The following GSTCD variants were observed in gnomAD, a reference collection of about 807,000 sequenced individuals.
GSTCD encodes the protein glutathione S-transferase C-terminal domain containing.
GSTCD carries 44 observed loss-of-function variants against 68.3 expected under a neutral mutation model. That is an observed-to-expected ratio of 0.64 (90% CI 0.51 to 0.83). The LOEUF is 0.83. Ranked by LOEUF, GSTCD falls within the 40% of genes least tolerant of loss-of-function variation. GSTCD has a pLI of 0.00. For missense variants in GSTCD, 739 were observed against 735.9 expected (o/e 1.00, Z -0.05); for synonymous variants, 273 against 255.2 (o/e 1.07, Z -0.67).
intron 5 of GSTCD, among the ~76,000 whole-genome samples, chr4:105,771,878 TTAAAG>T (rs1198778941): frequency 2.6e-5 from 4 of 152,330 alleles, no homozygotes; most frequent in East Asian, 1.9e-4. Context: ...CATATGAACT[TTAAAG>T]TAGTTTTTTT....
intron 5 of GSTCD, among the ~76,000 whole-genome samples, chr4:105,767,335 C>A (rs1463365373): frequency 6.6e-6 from 1 of 151,998 alleles, no homozygotes; most frequent in Non-Finnish European, 1.5e-5. Flanking sequence ...TATGGAGAAA[C>A]CTTTAGGTCA....
intron 5 of GSTCD, among the ~76,000 whole-genome samples, chr4:105,760,180 A>C (rs10034698): frequency 0.82 from 119,466 of 145,836 alleles, 49,329 homozygotes; most frequent in East Asian, 0.96. Context: ...AAAAAAAAAA[A>C]AAAAAAGAGA....
At chr4:105,776,659 G>A (rs1396787892) in intron 5 of GSTCD, among the ~76,000 whole-genome samples, 1 of 152,076 alleles carries the variant, frequency 6.6e-6, no homozygotes, top group Non-Finnish European at 1.5e-5. Context: ...CACCTCTGTG[G>A]GCTGTACCCA....
chr4:105,845,815 C>T lies in GSTCD; in HGVS notation c.*238C>T. On this transcript the variant is annotated 3_prime_UTR_variant, in exon 12 of 12. Transcript: ENST00000515279. ...TTATAGTGAGAATCCCCTGAAGTCT[C>T]AGCTGCCAAAAGAATAATACTAGTG... 1 of 478,402 alleles carries T rather than the reference C, an allele frequency of 2.1e-6. No homozygotes were observed. Among genetic ancestry groups the T allele is most frequent in the South Asian group, 2.9e-5 (1 of 34,224 alleles). The allele number at this position is 478,402 out of a possible 1,614,324, so 29.6% of individuals were successfully genotyped here.
intron 5 of GSTCD, among the ~76,000 whole-genome samples, chr4:105,786,545 A>G (rs552575915): frequency 6.6e-6 from 1 of 152,166 alleles, no homozygotes; most frequent in South Asian, 2.1e-4. Context: ...AAAAAAAAAA[A>G]AAAGACCACA....
chr4:105,832,947 T>A (rs1438919526), intron 8 of GSTCD, among the ~76,000 whole-genome samples: 1 of 152,188 alleles, frequency 6.6e-6, no homozygotes, highest in African/African-American at 2.4e-5. Context: ...GTTGCTGCCT[T>A]TACTGGATAC....
rs146650177 is a variant in GSTCD at position 105,721,473 on chromosome 4, A to G, written c.894+1946A>G. ...ACATAAAACTGAATCTAGGGACAGA[A>G]TATTTAGTCGCAGGAATAAAGTCAA... On this transcript the variant is annotated intron_variant, in intron 3 of 11. Coordinates refer to ENST00000515279, the MANE Select transcript of GSTCD (RefSeq NM_001370181.1). 6.7e-3 allele frequency among the ~76,000 whole-genome samples: 1,024 copies of G among 152,262 alleles called. 23 individuals are homozygous for G. Among genetic ancestry groups the G allele is most frequent in the Middle Eastern group, 6.8e-3 (2 of 294 alleles).
chr4:105,783,707 A>G (rs905956408), intron 5 of GSTCD, among the ~76,000 whole-genome samples: 2 of 152,204 alleles, frequency 1.3e-5, no homozygotes, highest in Non-Finnish European at 2.9e-5. Context: ...TTTAATATGG[A>G]TACAATGTTA....
intron 3 of GSTCD, among the ~76,000 whole-genome samples, chr4:105,726,026 C>G (rs1241793144): frequency 6.6e-6 from 1 of 151,856 alleles, no homozygotes; most frequent in Non-Finnish European, 1.5e-5. Context: ...AGCAATTTGA[C>G]TCTTGGATTT....
intron 5 of GSTCD, among the ~76,000 whole-genome samples, chr4:105,744,659 A>G (rs1360070075): frequency 2.0e-5 from 3 of 152,124 alleles, no homozygotes; most frequent in African/African-American, 7.2e-5. Context: ...AATGCCCCCA[A>G]CCATTCTATG....
intron 1 of GSTCD, among the ~76,000 whole-genome samples, chr4:105,714,351 G>C (rs1026117601): frequency 6.6e-6 from 1 of 152,080 alleles, no homozygotes; most frequent in African/African-American, 2.4e-5. Context: ...GAGCTGTGCC[G>C]CAGAAGCCCT....
Position 105,719,419 on chromosome 4 carries a change from C to G in GSTCD, c.786C>G (p.Ile262Met), listed in dbSNP as rs375185292. 3 of 1,614,100 alleles carry G rather than the reference C, an allele frequency of 1.9e-6. No homozygotes were observed. ...PATTNREPSH[I>M]RKAKASDLPP... ...CTACCAACAGAGAGCCTTCTCACAT[C>G]AGAAAAGCAAAAGCCTCCGACCTTC... Residue 262 changes from isoleucine to methionine, a missense_variant, in exon 3 of 12, where the codon ATC becomes ATG. By Grantham distance (10) the Ile-to-Met change is conservative (BLOSUM62 1). Transcript: ENST00000515279.
intron 5 of GSTCD, among the ~76,000 whole-genome samples, chr4:105,818,179 A>G (rs1723096463): frequency 6.6e-6 from 1 of 151,904 alleles, no homozygotes; most frequent in African/African-American, 2.4e-5. Context: ...TCATTTTATA[A>G]TAAATCATTT....
Position 105,719,356 on chromosome 4 carries a change from G to A in GSTCD, c.723G>A (p.Val241=). 1 of 1,614,108 alleles carries A rather than the reference G, an allele frequency of 6.2e-7. No homozygotes were observed. ...DSSSKSLELK[V]AFSKLTVQEE... is the part of the protein sequence containing the mutation. ...CATCCAAGAGTCTGGAACTGAAAGT[G>A]GCATTCTCAAAGCTCACAGTACAGG... Residue 241 remains valine, a synonymous_variant, in exon 3 of 12, where the codon GTG becomes GTA. Transcript: ENST00000515279.
chr4:105,750,460 CAAAA>C (rs1024094979), intron 5 of GSTCD, among the ~76,000 whole-genome samples: 2 of 51,304 alleles, frequency 3.9e-5, no homozygotes, highest in East Asian at 1.2e-3. Flanking sequence ...AACTCCGTCT[CAAAA>C]AAAAAAAAAA....
intron 5 of GSTCD, among the ~76,000 whole-genome samples, chr4:105,768,363 T>A (rs1316891302): frequency 2.6e-5 from 4 of 152,148 alleles, no homozygotes; most frequent in African/African-American, 9.7e-5. Flanking sequence ...TGTGCCTATG[T>A]GTTTTTATAC....
chr4:105,805,736 C>G (rs957211052), intron 5 of GSTCD, among the ~76,000 whole-genome samples: 4 of 152,002 alleles, frequency 2.6e-5, no homozygotes, highest in African/African-American at 7.2e-5. Context: ...TAAAGTGAGG[C>G]AATGAAAGTT....
chr4:105,770,122 A>C (rs1734785183), intron 5 of GSTCD, among the ~76,000 whole-genome samples: 1 of 152,220 alleles, frequency 6.6e-6, no homozygotes, highest in Admixed American at 6.5e-5. Context: ...AGATTGGCAG[A>C]AGAAAAAGCT....
At chr4:105,754,095 T>C (rs1266689885) in intron 5 of GSTCD, among the ~76,000 whole-genome samples, 3 of 152,116 alleles carry the variant, frequency 2.0e-5, no homozygotes, top group Non-Finnish European at 2.9e-5. Flanking sequence ...TCTGTGCTAT[T>C]CCAGACAGTT....
Sources: allele counts gnomAD v4.1 joint callset (sites outside exome capture counted in the v4.1 genomes callset), GRCh38; gene constraint gnomAD v4.1.1; transcripts MANE v1.5; gene names NCBI Gene and HGNC (gene_info 2026-07-23, HGNC 2026-07-21).